The following PTPDC1 variants were observed in gnomAD, a reference collection of about 807,000 sequenced individuals.
PTPDC1 encodes protein tyrosine phosphatase domain containing 1, also known as protein tyrosine phosphatase domain-containing protein 1.
PTPDC1 carries 53 observed loss-of-function variants against 75.3 expected under a neutral mutation model. The observed-to-expected ratio is 0.70, with a 90% confidence interval of 0.56 to 0.88. The LOEUF is 0.88. Among genes scored for constraint, PTPDC1 ranks in the 40% least tolerant of loss-of-function variants. The pLI, the probability that PTPDC1 is intolerant of heterozygous loss-of-function variation, is 0.00. For synonymous variants in PTPDC1, 349 were observed against 366.2 expected (o/e 0.95, Z 0.54); for missense variants, 925 against 998.6 (o/e 0.93, Z 0.99).
At position 94,085,315 on chromosome 9, in the gene PTPDC1, T is replaced by A; in HGVS notation, c.309T>A (p.Pro103=). ...GGGAGCGTTTACGGCATGTCATTCC[T>A]GGACACATGGCATGTTCCATGGCGT... The part of the protein sequence containing the change: ...KVGERLRHVI[P]GHMACSMACG... The change falls in exon 2 of 9, where the codon CCT becomes CCA. Residue 103 remains proline (P), a synonymous_variant. Transcript: ENST00000620992. The A allele has an allele frequency of 6.2e-7, 1 of 1,614,232 alleles. No individual in the cohort carries two copies.
intron 1 of PTPDC1, among the ~76,000 whole-genome samples, chr9:94,057,026 A>G (rs1021714734): frequency 3.3e-5 from 5 of 152,212 alleles, no homozygotes; most frequent in African/African-American, 1.2e-4. Context: ...AGCCAGGCAT[A>G]TGATATAAGT....
At chr9:94,094,077 A>G (rs1395361773) in intron 4 of PTPDC1, among the ~76,000 whole-genome samples, 2 of 152,176 alleles carry the variant, frequency 1.3e-5, no homozygotes. Flanking sequence ...GTCTTCTCTC[A>G]GCTTGTCAAA....
At chr9:94,054,214 T>C (rs1397982281) in intron 1 of PTPDC1, among the ~76,000 whole-genome samples, 2 of 152,056 alleles carry the variant, frequency 1.3e-5, no homozygotes, top group African/African-American at 4.8e-5. Context: ...TGGAGAAAAA[T>C]GGGAGAGTGT....
chr9:94,076,295 C>T lies in PTPDC1; in HGVS notation c.83-8956C>T, dbSNP rs1020975660. Among the ~76,000 whole-genome samples, 4 of 152,264 alleles carry T rather than the reference C, an allele frequency of 2.6e-5. No homozygotes were observed. In the South Asian group the frequency reaches 8.3e-4, roughly 32 times the overall value. ...CTGGGATTACAGGCGTGACCCACTA[C>T]GCCTGGCCACTTTGTACTCTTTAGC... On this transcript the variant is annotated intron_variant, in intron 2 of 9. Transcript: ENST00000375360.
intron 1 of PTPDC1, among the ~76,000 whole-genome samples, chr9:94,050,751 G>T (rs1396476598): frequency 6.6e-6 from 1 of 152,200 alleles, no homozygotes; most frequent in Non-Finnish European, 1.5e-5. Context: ...GTCAGACAGG[G>T]ATATTTAAGT....
intron 1 of PTPDC1, among the ~76,000 whole-genome samples, chr9:94,034,743 G>A (rs1469942563): frequency 6.6e-6 from 1 of 151,874 alleles, no homozygotes; most frequent in African/African-American, 2.4e-5. Flanking sequence ...TTCTGTATAA[G>A]AACAATTAAT....
chr9:94,060,141 A>G (rs909530472), intron 1 of PTPDC1, among the ~76,000 whole-genome samples: 6 of 152,244 alleles, frequency 3.9e-5, no homozygotes, highest in Non-Finnish European at 8.8e-5. Context: ...CTGGGAAGCT[A>G]TATATCAGAA....
chr9:94,073,061 C>G (rs759664080), intron 2 of PTPDC1, among the ~76,000 whole-genome samples: 5 of 152,128 alleles, frequency 3.3e-5, no homozygotes, highest in Non-Finnish European at 7.4e-5. Flanking sequence ...GTTCCTTCTT[C>G]TATTTTCTGG....
intron 2 of PTPDC1, among the ~76,000 whole-genome samples, chr9:94,070,748 A>G (rs1257411662): frequency 1.3e-5 from 2 of 152,226 alleles, no homozygotes; most frequent in East Asian, 3.9e-4. Flanking sequence ...AATGTTATGT[A>G]TATAAAATCA....
At chr9:94,062,724 T>C (rs1826180209) in intron 1 of PTPDC1, among the ~76,000 whole-genome samples, 1 of 152,096 alleles carries the variant, frequency 6.6e-6, no homozygotes, top group Non-Finnish European at 1.5e-5. Context: ...GAAGGATCCA[T>C]CCTTATGATC....
In PTPDC1 at chr9:94,098,184, C is replaced by T; in HGVS notation, c.1618C>T (p.Gln540Ter). 8 of 1,614,222 alleles carry T rather than the reference C, an allele frequency of 5.0e-6. 1 individual carries two copies. The highest frequency in any genetic ancestry group is 2.2e-5 in the South Asian group (2 of 91,086). Residue 540 changes from glutamine to a stop codon, truncating the protein, a stop_gained, in exon 6 of 9, where the codon CAG becomes TAG. Coordinates refer to ENST00000620992, the MANE Select transcript of PTPDC1 (RefSeq NM_001253829.2). LOFTEE classifies it high-confidence loss of function. ...HGRIIPKEAQ[Q>*]SGAFSADVSG... ...AAGGATCATTCCAAAGGAAGCACAG[C>T]AGAGTGGAGCTTTCTCTGCAGATGT...
At chr9:94,074,293 G>A (rs534848225) in intron 2 of PTPDC1, among the ~76,000 whole-genome samples, 74 of 152,242 alleles carry the variant, frequency 4.9e-4, no homozygotes, top group Non-Finnish European at 6.2e-4. Context: ...TCCAGATGAC[G>A]AAGTGGAATT....
At chr9:94,055,798 A>G (rs1825914850) in intron 1 of PTPDC1, among the ~76,000 whole-genome samples, 1 of 152,166 alleles carries the variant, frequency 6.6e-6, no homozygotes, top group African/African-American at 2.4e-5. Context: ...GGAGAGGGAG[A>G]GATTAATAGT....
intron 2 of PTPDC1, among the ~76,000 whole-genome samples, chr9:94,070,065 C>T (rs1449976128): frequency 3.3e-5 from 5 of 150,228 alleles, no homozygotes; most frequent in Admixed American, 2.0e-4. Context: ...CCTCGTGATC[C>T]GCCCGCCTCT....
In PTPDC1 at chr9:94,097,671, G is replaced by C; in HGVS notation, c.1105G>C (p.Gly369Arg). ...GATGAAGGATGTGTCCGAAGGACCT[G>C]GTCTCTCTGCTGAAATAGAAAAGAC... ...VMMKDVSEGPGLSAEIEKTMS... is the reference protein window; with the variant it reads ...VMMKDVSEGPRLSAEIEKTMS... The change falls in exon 6 of 9, where the codon GGT (glycine) becomes CGT (arginine). Residue 369 changes from glycine (G) to arginine (R), a missense_variant. Physicochemically the swap from Gly to Arg is moderately radical, Grantham distance 125. Transcript: ENST00000620992. The C allele has an allele frequency of 6.2e-7, 1 of 1,614,120 alleles. No homozygotes were observed.
intron 1 of PTPDC1, among the ~76,000 whole-genome samples, chr9:94,064,224 A>T (rs1027757584): frequency 6.6e-6 from 1 of 152,188 alleles, no homozygotes; most frequent in Non-Finnish European, 1.5e-5. Flanking sequence ...CTGAACTGGA[A>T]GCTGAAAGAT....
At chr9:94,096,266 G>T (rs560098257) in intron 5 of PTPDC1, among the ~76,000 whole-genome samples, 2 of 152,218 alleles carry the variant, frequency 1.3e-5, no homozygotes, top group South Asian at 4.1e-4. Flanking sequence ...GCAGGGGAGG[G>T]GACTCAGCTC....
At chr9:94,070,998 A>G (rs1826496834) in intron 2 of PTPDC1, among the ~76,000 whole-genome samples, 1 of 152,226 alleles carries the variant, frequency 6.6e-6, no homozygotes, top group African/African-American at 2.4e-5. Context: ...TTTTGTGTGT[A>G]GATGGGTTTT....
rs556577248 is a variant in PTPDC1, at chr9:94,060,036, A to G, written c.-6-4698A>G. ...TCTGGGCACTAGAATATTAATAACTATAGAGTATATATATAGAAAAGAGCA... is the reference window on the plus strand; with the variant it reads ...TCTGGGCACTAGAATATTAATAACTGTAGAGTATATATATAGAAAAGAGCA... On this transcript the variant is annotated intron_variant, in intron 1 of 9. Coordinates refer to the PTPDC1 transcript ENST00000375360. Among the ~76,000 whole-genome samples the G allele has an allele frequency of 1.7e-3, 257 of 152,308 alleles. 1 individual carries two copies. The highest frequency in any genetic ancestry group is 5.9e-3 in the African/African-American group (245 of 41,568).
Sources: allele counts gnomAD v4.1 joint callset (sites outside exome capture counted in the v4.1 genomes callset), GRCh38; gene constraint gnomAD v4.1.1; transcripts MANE v1.5; gene names NCBI Gene and HGNC (gene_info 2026-07-23, HGNC 2026-07-21).